ADAMTSL1: variants seen among roughly 807,000 people sequenced by gnomAD.
ADAMTSL1 encodes ADAMTS-like protein 1.
A neutral mutation model predicts 201.8 loss-of-function variants in ADAMTSL1; 126 were observed. The observed-to-expected ratio is 0.62, with a 90% CI of 0.54 to 0.72. The LOEUF (loss-of-function observed/expected upper bound fraction) is 0.72. ADAMTSL1 is among the 30% of genes least tolerant of loss of function. The pLI is 0.00. For missense variants in ADAMTSL1, 2,679 were observed against 2,277.8 expected, an observed-to-expected ratio of 1.18 and a Z score of -3.59; for synonymous variants, 1,121 against 903.4, an observed-to-expected ratio of 1.24 and a Z score of -4.32.
At chr9:18,568,521 T>C (rs1822082544) in intron 3 of ADAMTSL1, among the ~76,000 whole-genome samples, 1 of 152,202 alleles carries the variant, frequency 6.6e-6, no homozygotes, top group African/African-American at 2.4e-5. Flanking sequence ...CATCATCCAG[T>C]AGCTGGTAAA....
At chr9:18,295,853 T>G (rs546154850) in intron 2 of ADAMTSL1, among the ~76,000 whole-genome samples, 2 of 152,310 alleles carry the variant, frequency 1.3e-5, no homozygotes, top group South Asian at 4.1e-4. Context: ...AGACATACAT[T>G]TGGATTTTTA....
chr9:18,109,376 G>T (rs1467212233), intron 1 of ADAMTSL1, among the ~76,000 whole-genome samples: 1 of 152,070 alleles, frequency 6.6e-6, no homozygotes, highest in Non-Finnish European at 1.5e-5. Context: ...GCACACAGTA[G>T]CCCAGGAAGT....
At chr9:18,831,095 T>A (rs1472844690) in intron 23 of ADAMTSL1, among the ~76,000 whole-genome samples, 1 of 152,226 alleles carries the variant, frequency 6.6e-6, no homozygotes, top group African/African-American at 2.4e-5. Context: ...CAATTTTCGT[T>A]TTCATCTGAA....
intron 2 of ADAMTSL1, among the ~76,000 whole-genome samples, chr9:18,391,760 C>T (rs1246953325): frequency 1.3e-5 from 2 of 151,534 alleles, no homozygotes; most frequent in Admixed American, 6.6e-5. Context: ...AATGAAGACT[C>T]AGATGATTTT....
chr9:18,383,781 G>A (rs1027117113), intron 2 of ADAMTSL1, among the ~76,000 whole-genome samples: 2 of 152,162 alleles, frequency 1.3e-5, no homozygotes, highest in East Asian at 1.9e-4. Flanking sequence ...GGCCTGTGAC[G>A]AGGCCAAGCT....
chr9:18,842,926 G>C (rs1327241422), intron 23 of ADAMTSL1, among the ~76,000 whole-genome samples: 2 of 152,218 alleles, frequency 1.3e-5, no homozygotes, highest in South Asian at 4.1e-4. Context: ...GCCTATGCAT[G>C]TCTCTGCGCG....
intron 1 of ADAMTSL1, among the ~76,000 whole-genome samples, chr9:18,161,384 G>C (rs1827381497): frequency 6.6e-6 from 1 of 151,988 alleles, no homozygotes. Flanking sequence ...TCAAATTTTA[G>C]CTTTTAAGAA....
At chr9:18,572,331 C>G (rs1822380828) in intron 3 of ADAMTSL1, among the ~76,000 whole-genome samples, 1 of 152,016 alleles carries the variant, frequency 6.6e-6, no homozygotes, top group South Asian at 2.1e-4. Flanking sequence ...TGTAAACAGC[C>G]TGTATAGCAC....
rs1264157693 is a variant in ADAMTSL1, at chr9:18,776,955, T to A, written c.2726T>A (p.Ile909Asn). 1.3e-6 allele frequency: 2 copies of A among 1,599,044 alleles called. No individual in the cohort carries two copies. Among genetic ancestry groups the A allele is most frequent in the Admixed American group, 3.4e-5 (2 of 58,630 alleles). Residue 909 changes from isoleucine to asparagine, a missense_variant, in exon 19 of 29, where the codon ATC becomes AAC. Ile to Asn is a moderately radical substitution (Grantham distance 149). Transcript: ENST00000380548. ...GCGCGCAGGGTCCGCAAGCCCCTCATCACCTGGGAGAAGGACGGCCAGCAC... is the reference window on the plus strand; with the variant it reads ...GCGCGCAGGGTCCGCAAGCCCCTCAACACCTGGGAGAAGGACGGCCAGCAC... ...CPARRVRKPL[I>N]TWEKDGQHLI... is the part of the protein sequence containing the mutation.
In ADAMTSL1 at chr9:18,672,610, CATT is replaced by C. The variant is rs149851795; in HGVS notation, c.1086-3244_1086-3242del. On this transcript the variant is annotated intron_variant, in intron 9 of 28. Coordinates refer to ENST00000380548, the MANE Select transcript of ADAMTSL1 (RefSeq NM_001040272.6). ...TATGTACACCATCTATATATTTTCT[CATT>C]ATGGTCAATCATATTGTACATTCTA... Among the ~76,000 whole-genome samples, 227 of 152,238 alleles carry C rather than the reference CATT, an allele frequency of 1.5e-3. 1 individual carries two copies. Among genetic ancestry groups the C allele is most frequent in the African/African-American group, 5.1e-3 (213 of 41,542 alleles).
At chr9:18,074,567 T>C (rs1823126952) in intron 1 of ADAMTSL1, among the ~76,000 whole-genome samples, 1 of 150,634 alleles carries the variant, frequency 6.6e-6, no homozygotes, top group Non-Finnish European at 1.5e-5. Flanking sequence ...TTTTCTTTTT[T>C]TTTTCTTCTT....
At chr9:18,867,437 C>T (rs757751956) in intron 23 of ADAMTSL1, among the ~76,000 whole-genome samples, 12 of 152,156 alleles carry the variant, frequency 7.9e-5, no homozygotes, top group Non-Finnish European at 1.8e-4. Flanking sequence ...ATGATTTAAA[C>T]AGTGCAAATG....
chr9:18,538,027 A>G (rs1283802550), intron 3 of ADAMTSL1, among the ~76,000 whole-genome samples: 1 of 151,970 alleles, frequency 6.6e-6, no homozygotes, highest in East Asian at 1.9e-4. Context: ...GAGAAGGAGG[A>G]AGCTCCTGGA....
rs371001447 is a variant in ADAMTSL1, at chr9:18,339,181, T to C, written c.208-165648T>C. Among the ~76,000 whole-genome samples the C allele has an allele frequency of 1.6e-4, 25 of 152,214 alleles. 1 individual carries two copies. In the South Asian group the frequency reaches 5.2e-3, roughly 32 times the overall value. ...CAGAGTAAACAGACAACCTACAGAATGGGAAAAAATATTTGCAAACTATGT... is the reference window on the plus strand; with the variant it reads ...CAGAGTAAACAGACAACCTACAGAACGGGAAAAAATATTTGCAAACTATGT... On this transcript the variant is annotated intron_variant, in intron 2 of 29. Transcript: ENST00000680146.
Position 18,299,021 on chromosome 9 carries a change from AAATAAT to A in ADAMTSL1, c.207+135057_207+135062del, listed in dbSNP as rs1554652778. Among the ~76,000 whole-genome samples, 58 of 149,650 alleles carry A rather than the reference AAATAAT, an allele frequency of 3.9e-4. 1 individual carries two copies. The highest frequency in any genetic ancestry group is 1.3e-3 in the South Asian group (6 of 4,680). On this transcript the variant is annotated intron_variant, in intron 2 of 29. Coordinates refer to the ADAMTSL1 transcript ENST00000680146. The stretch of plus-strand genomic sequence containing the variant: ...AGCCAGACTCCGTCTCAAAAAAAAA[AAATAAT>A]AATAATAATAATAATAGCCGCCGTT...
intron 26 of ADAMTSL1, among the ~76,000 whole-genome samples, chr9:18,901,386 G>T (rs928703132): frequency 6.6e-6 from 1 of 151,346 alleles, no homozygotes; most frequent in African/African-American, 2.4e-5. Context: ...AAATAGACGG[G>T]CAGACATTAA....
chr9:18,341,404 T>C (rs1356594678), intron 2 of ADAMTSL1, among the ~76,000 whole-genome samples: 1 of 152,152 alleles, frequency 6.6e-6, no homozygotes, highest in Non-Finnish European at 1.5e-5. Context: ...CTTCTTTATC[T>C]TCCTAACTTG....
At chr9:18,850,790 C>T (rs1056374222) in intron 23 of ADAMTSL1, among the ~76,000 whole-genome samples, 1 of 152,204 alleles carries the variant, frequency 6.6e-6, no homozygotes, top group African/African-American at 2.4e-5. Context: ...TTTACTTCCT[C>T]TCTGTATTTG....
At chr9:18,187,266 G>A (rs1350537295) in intron 2 of ADAMTSL1, among the ~76,000 whole-genome samples, 3 of 152,064 alleles carry the variant, frequency 2.0e-5, no homozygotes, top group Non-Finnish European at 2.9e-5. Flanking sequence ...ATAGATGATG[G>A]TGAAAACACA....
Sources: gnomAD v4.1 joint callset for allele counts (sites outside exome capture counted in the v4.1 genomes callset) on GRCh38, gnomAD v4.1.1 for gene constraint, MANE v1.5 for transcripts, NCBI Gene and HGNC (gene_info 2026-07-23, HGNC 2026-07-21) for gene names.